Variants in GSK3B observed in about 807,000 individuals in gnomAD.
GSK3B encodes the protein glycogen synthase kinase-3 beta.
In GSK3B, 15 loss-of-function variants were observed where a neutral mutation model predicts 56.4. The ratio of observed to expected loss-of-function variants is 0.27; its 90% CI spans 0.18 to 0.41. The LOEUF is 0.41. Ranked by LOEUF, GSK3B falls within the 10% of genes least tolerant of loss-of-function variation. GSK3B has a pLI of 1.00. For synonymous variants in GSK3B, 181 were observed against 188.9 expected, an observed-to-expected ratio of 0.96 and a Z score of 0.34; for missense variants, 300 against 513.4, an observed-to-expected ratio of 0.58 and a Z score of 4.02.
At chr3:120,033,457 T>C (rs1184230092) in intron 1 of GSK3B, among the ~76,000 whole-genome samples, 2 of 152,244 alleles carry the variant, frequency 1.3e-5, no homozygotes, top group Non-Finnish European at 2.9e-5. Context: ...AGGGTTCCAA[T>C]TTCTCCATAT....
intron 2 of GSK3B, among the ~76,000 whole-genome samples, chr3:119,984,506 T>C (rs532168353): frequency 6.6e-6 from 1 of 150,980 alleles, no homozygotes; most frequent in Non-Finnish European, 1.5e-5. Flanking sequence ...GAATCAAATA[T>C]ACGCAATAAA....
intron 2 of GSK3B, among the ~76,000 whole-genome samples, chr3:119,989,500 C>T (rs1208594666): frequency 6.6e-6 from 1 of 151,800 alleles, no homozygotes; most frequent in Non-Finnish European, 1.5e-5. Context: ...CAAAAATTAG[C>T]CGGGCGTACA....
rs1161777985 is a variant in GSK3B at position 119,964,881 on chromosome 3, T to C, written c.283-17530A>G. Among the ~76,000 whole-genome samples the C allele has an allele frequency of 2.6e-5, 4 of 152,192 alleles. No individual in the cohort carries two copies. In the East Asian group the frequency reaches 7.7e-4, roughly 29 times the overall value. ...AGATGAGCACACATATTTGTCCAAA[T>C]GCATTAAATTGCACACATTAATTAT... On this transcript the variant is annotated intron_variant, in intron 2 of 10. Coordinates refer to ENST00000264235, the MANE Select transcript of GSK3B (RefSeq NM_001146156.2).
intron 2 of GSK3B, among the ~76,000 whole-genome samples, chr3:119,977,407 ACTTAATGGAGAC>A (rs1314104050): frequency 6.6e-6 from 1 of 152,202 alleles, no homozygotes; most frequent in Non-Finnish European, 1.5e-5. Context: ...CAGCAGGCAT[ACTTAATGGAGAC>A]CTTTTCCCAG....
intron 1 of GSK3B, chr3:120,041,495 C>T (rs780842328): frequency 4.1e-6 from 1 of 241,230 alleles, no homozygotes; most frequent in South Asian, 6.7e-5. Flanking sequence ...TTGTTGGCTA[C>T]CCCAGACCAG....
chr3:119,988,929 A>G (rs2057539472), intron 2 of GSK3B, among the ~76,000 whole-genome samples: 1 of 152,244 alleles, frequency 6.6e-6, no homozygotes, highest in Non-Finnish European at 1.5e-5. Context: ...AAAGAAAATT[A>G]TATTTAAAAA....
chr3:120,078,597 G>A (rs2058386691), intron 1 of GSK3B, among the ~76,000 whole-genome samples: 1 of 150,248 alleles, frequency 6.7e-6, no homozygotes, highest in Admixed American at 6.6e-5. Context: ...TGTTTCCCAG[G>A]CTGGAGAGCA....
At chr3:119,943,051 T>C (rs1167482347) in intron 3 of GSK3B, among the ~76,000 whole-genome samples, 1 of 152,222 alleles carries the variant, frequency 6.6e-6, no homozygotes, top group Non-Finnish European at 1.5e-5. Context: ...ACTTAATTCC[T>C]CTTTCTTCTA....
At chr3:119,954,297 T>C (rs947649885) in intron 2 of GSK3B, among the ~76,000 whole-genome samples, 2 of 89,814 alleles carry the variant, frequency 2.2e-5, no homozygotes, top group Admixed American at 2.2e-4. Context: ...TAGAATAGAA[T>C]AGAATAGAAA....
chr3:119,938,377 T>A (rs2057016118), intron 3 of GSK3B, among the ~76,000 whole-genome samples: 1 of 151,978 alleles, frequency 6.6e-6, no homozygotes, highest in African/African-American at 2.4e-5. Context: ...AAAATCCTCA[T>A]GAAAATACTA....
At chr3:119,972,766 A>AT (rs1278911513) in intron 2 of GSK3B, among the ~76,000 whole-genome samples, 1 of 152,038 alleles carries the variant, frequency 6.6e-6, no homozygotes, top group Admixed American at 6.6e-5. Context: ...TGTGATATGG[A>AT]TTTTTTAAGC....
intron 1 of GSK3B, among the ~76,000 whole-genome samples, chr3:120,059,982 A>T (rs562816276): frequency 6.6e-6 from 1 of 152,330 alleles, no homozygotes; most frequent in South Asian, 2.1e-4. Context: ...ATTCAAAAAA[A>T]ATTTTACTGA....
intron 1 of GSK3B, among the ~76,000 whole-genome samples, chr3:120,018,971 T>C (rs2057849860): frequency 1.3e-5 from 2 of 152,304 alleles, no homozygotes; most frequent in South Asian, 4.2e-4. Flanking sequence ...GATTTTCTTT[T>C]TGGACTGCTT....
In GSK3B at chr3:119,971,773, G is replaced by A. The variant is rs916631314; in HGVS notation, c.283-24422C>T. 1.3e-4 allele frequency among the ~76,000 whole-genome samples: 20 copies of A among 149,546 alleles called. No homozygotes were observed. In the South Asian group the frequency reaches 1.5e-3, roughly 11 times the overall value. On this transcript the variant is annotated intron_variant, in intron 2 of 10. Transcript: ENST00000264235. ...ACTACAGGCGCCCGCCACTACGCCC[G>A]GCTAATTTTTTGTATTTTTAGTAGA...
At chr3:119,834,566 C>T (rs1432495870) in intron 10 of GSK3B, among the ~76,000 whole-genome samples, 1 of 152,028 alleles carries the variant, frequency 6.6e-6, no homozygotes, top group East Asian at 1.9e-4. Context: ...GGAAAGGGCA[C>T]ATTGTATTTA....
chr3:120,023,665 C>T (rs144518917), intron 1 of GSK3B, among the ~76,000 whole-genome samples: 10 of 152,094 alleles, frequency 6.6e-5, no homozygotes, highest in Non-Finnish European at 1.5e-5. Flanking sequence ...CATACACACA[C>T]CCTCGTCACA....
chr3:119,980,732 T>G (rs775091998), intron 2 of GSK3B, among the ~76,000 whole-genome samples: 3 of 152,202 alleles, frequency 2.0e-5, no homozygotes, highest in Non-Finnish European at 4.4e-5. Flanking sequence ...TAGTAAAATA[T>G]CTTAGCTTCT....
intron 2 of GSK3B, among the ~76,000 whole-genome samples, chr3:119,999,863 G>A (rs183190635): frequency 2.6e-4 from 39 of 152,286 alleles, no homozygotes; most frequent in Non-Finnish European, 1.5e-5. Flanking sequence ...TTAAGTATCT[G>A]GAGAAAATGG....
intron 1 of GSK3B, among the ~76,000 whole-genome samples, chr3:120,002,528 G>A (rs974686183): frequency 2.0e-5 from 3 of 151,866 alleles, no homozygotes; most frequent in African/African-American, 4.8e-5. Flanking sequence ...TAGCAGAGAC[G>A]CGGTTTCACC....
Sources: allele counts gnomAD v4.1 joint callset (sites outside exome capture counted in the v4.1 genomes callset), GRCh38; gene constraint gnomAD v4.1.1; transcripts MANE v1.5; gene names NCBI Gene and HGNC (gene_info 2026-07-23, HGNC 2026-07-21).